The following MED13L variants were observed in gnomAD, a reference collection of about 807,000 sequenced individuals.
MED13L encodes mediator complex subunit 13L.
In MED13L, 7 loss-of-function variants were observed where a neutral mutation model predicts 220.9. That is an observed-to-expected ratio of 0.03 (90% CI 0.02 to 0.06). MED13L has a LOEUF of 0.06. Among genes scored for constraint, MED13L ranks in the 10% least tolerant of loss-of-function variants. The pLI, the probability that MED13L is intolerant of heterozygous loss-of-function variation, is 1.00. For missense variants in MED13L, 1,965 were observed against 2,760.5 expected (o/e 0.71, Z 6.46); for synonymous variants, 1,011 against 1,015.2 (o/e 1.00, Z 0.08).
At chr12:116,237,340 T>C (rs1870180377) in intron 2 of MED13L, 128 bp downstream of exon 2, 1 of 793,608 alleles carries the variant, frequency 1.3e-6, no homozygotes. Flanking sequence ...AATGTTCCTT[T>C]TGAGAGAGAC....
chr12:116,016,621 A>G (rs1879740654), intron 7 of MED13L, among the ~76,000 whole-genome samples: 1 of 152,190 alleles, frequency 6.6e-6, no homozygotes, highest in Non-Finnish European at 1.5e-5. Flanking sequence ...TGACCAAGAA[A>G]AGAAAAGAGT....
At chr12:116,210,544 ACGTAACCTATATATATATAT>A (rs1432701459) in intron 2 of MED13L, among the ~76,000 whole-genome samples, 1 of 107,118 alleles carries the variant, frequency 9.3e-6, no homozygotes, top group Non-Finnish European at 1.9e-5. Context: ...CAACCGCAGA[ACGTAACCTATATATATATAT>A]ATATATATAT....
At chr12:116,035,257 G>A (rs778005913) in intron 4 of MED13L, among the ~76,000 whole-genome samples, 1 of 152,146 alleles carries the variant, frequency 6.6e-6, no homozygotes, top group African/African-American at 2.4e-5. Flanking sequence ...GACTTTAAAA[G>A]AGGCAGAAAT....
chr12:116,096,354 CAAAAAAAAAA>C (rs537207957), intron 4 of MED13L, among the ~76,000 whole-genome samples: 41 of 23,562 alleles, frequency 1.7e-3, no homozygotes, highest in African/African-American at 3.2e-3. Context: ...GACACAGCCT[CAAAAAAAAAA>C]AAAAAAAAAA....
intron 2 of MED13L, among the ~76,000 whole-genome samples, chr12:116,188,586 C>A (rs949195449): frequency 2.0e-5 from 3 of 152,016 alleles, no homozygotes; most frequent in African/African-American, 7.2e-5. Context: ...TTCAGTGTAC[C>A]CTTAACCCAG....
chr12:116,187,907 T>C (rs1881002156), intron 2 of MED13L, among the ~76,000 whole-genome samples: 1 of 151,786 alleles, frequency 6.6e-6, no homozygotes, highest in African/African-American at 2.4e-5. Context: ...AGGCTTTTCC[T>C]GTCAACAGAA....
In MED13L at chr12:116,159,945, C is replaced by T. The variant is rs182194757; in HGVS notation, c.311-48433G>A. On this transcript the variant is annotated intron_variant, in intron 2 of 30. Transcript: ENST00000281928. Reference sequence around the variant, plus strand: ...TGGTCCCAATGATTACTGTACATTTCATTAAAATTTCATCTCTTTGTCCCA... The same window carrying T: ...TGGTCCCAATGATTACTGTACATTTTATTAAAATTTCATCTCTTTGTCCCA... Among the ~76,000 whole-genome samples, 3 of 152,308 alleles carry T rather than the reference C, an allele frequency of 2.0e-5. No homozygotes were observed. The East Asian group carries it at 5.8e-4, about 29-fold the overall frequency.
chr12:115,964,791 T>C (rs532747817), intron 29 of MED13L, among the ~76,000 whole-genome samples: 24 of 152,232 alleles, frequency 1.6e-4, no homozygotes, highest in Admixed American at 1.0e-3. Flanking sequence ...CTCAGGTTCA[T>C]TGTGAATATT....
chr12:116,210,573 A>ATATATATG (rs1882634475), intron 2 of MED13L, among the ~76,000 whole-genome samples: 1 of 144,856 alleles, frequency 6.9e-6, no homozygotes. Context: ...ATATATATAT[A>ATATATATG]TATATATATA....
chr12:116,071,319 G>T (rs1870353845), intron 4 of MED13L, among the ~76,000 whole-genome samples: 1 of 152,144 alleles, frequency 6.6e-6, no homozygotes, highest in Admixed American at 6.5e-5. Context: ...CACTGTCAAG[G>T]TGTTTCAAGA....
chr12:116,097,155 G>GTT (rs571971505), intron 3 of MED13L, among the ~76,000 whole-genome samples: 1 of 146,840 alleles, frequency 6.8e-6, no homozygotes, highest in African/African-American at 2.5e-5. Flanking sequence ...CATCTTTCAA[G>GTT]TTTTTTTTTT....
At chr12:116,190,552 T>C (rs1316305211) in intron 2 of MED13L, among the ~76,000 whole-genome samples, 1 of 152,188 alleles carries the variant, frequency 6.6e-6, no homozygotes, top group Non-Finnish European at 1.5e-5. Context: ...CCCTATTTTT[T>C]TCAGGAAGCA....
At chr12:115,975,853 T>C in intron 23 of MED13L, 115 bp from the exon 24 acceptor site, 1 of 871,944 alleles carries the variant, frequency 1.1e-6, no homozygotes, top group Non-Finnish European at 1.8e-6. Flanking sequence ...AAATCGTTTC[T>C]CTCTCTCTCT....
intron 2 of MED13L, among the ~76,000 whole-genome samples, chr12:116,184,509 T>C (rs1880747951): frequency 6.6e-6 from 1 of 152,140 alleles, no homozygotes; most frequent in African/African-American, 2.4e-5. Context: ...ATAAAAAAAC[T>C]TTAGGCTTGT....
chr12:116,234,215 C>CTATTTATTTATT lies in MED13L; in HGVS notation c.310+3241_310+3252dup, dbSNP rs74508824. Among the ~76,000 whole-genome samples the CTATTTATTTATT allele has an allele frequency of 8.6e-4, 129 of 149,876 alleles. No homozygotes were observed. In the East Asian group the frequency reaches 0.014, roughly 17 times the overall value. Reference sequence around the variant, plus strand: ...ATTTAAGCCAGCTAACAGGATTCTGCTATTTATTTATTTATTTATTTATTT... The same window carrying CTATTTATTTATT: ...ATTTAAGCCAGCTAACAGGATTCTGCTATTTATTTATTTATTTATTTATTTATTTATTTATTT... On this transcript the variant is annotated intron_variant, in intron 2 of 30. Transcript: ENST00000281928.
At position 115,959,675 on chromosome 12, in the gene MED13L, C is replaced by T. The variant is rs988278167; in HGVS notation, c.*1591G>A. 1 of 152,566 alleles carries T rather than the reference C, an allele frequency of 6.6e-6. No individual in the cohort carries two copies. The highest frequency in any genetic ancestry group is 1.5e-5 in the Non-Finnish European group (1 of 68,020). The allele number at this position is 152,566 out of a possible 1,614,324, so 9.5% of individuals were successfully genotyped here. A position where few individuals can be genotyped will look rare whatever the true frequency, so the allele number is the denominator to read the frequency against. On this transcript the variant is annotated 3_prime_UTR_variant, in exon 31 of 31. Coordinates refer to ENST00000281928, the MANE Select transcript of MED13L (RefSeq NM_015335.5). Reference sequence around the variant, plus strand: ...CTATACATTGCGAAAGTCAACCCCCCCTTCAACTGGTGGTACAGAGAACAA... The same window carrying T: ...CTATACATTGCGAAAGTCAACCCCCTCTTCAACTGGTGGTACAGAGAACAA...
intron 2 of MED13L, among the ~76,000 whole-genome samples, chr12:116,189,492 A>G (rs997805441): frequency 2.6e-5 from 4 of 152,122 alleles, no homozygotes; most frequent in African/African-American, 9.7e-5. Flanking sequence ...GCAGAACAAA[A>G]GCTTTAAATT....
intron 4 of MED13L, among the ~76,000 whole-genome samples, chr12:116,039,015 C>T (rs1354176488): frequency 2.0e-5 from 3 of 152,052 alleles, no homozygotes; most frequent in African/African-American, 7.3e-5. Context: ...ATTCTTCCCC[C>T]CACACTCCAA....
intron 2 of MED13L, among the ~76,000 whole-genome samples, chr12:116,135,064 GA>G (rs1876416537): frequency 1.3e-5 from 2 of 152,292 alleles, no homozygotes; most frequent in African/African-American, 2.4e-5. Flanking sequence ...AGCTACTAGG[GA>G]GGCTGAGACA....
Sources: allele counts gnomAD v4.1 joint callset (sites outside exome capture counted in the v4.1 genomes callset), GRCh38; gene constraint gnomAD v4.1.1; transcripts MANE v1.5; gene names NCBI Gene and HGNC (gene_info 2026-07-23, HGNC 2026-07-21).